CCDC60: variants seen among roughly 807,000 people sequenced by gnomAD.
The protein encoded by CCDC60 is coiled-coil domain containing 60.
CCDC60 carries 54 observed loss-of-function variants against 63.5 expected under a neutral mutation model. That is an observed-to-expected ratio of 0.85 (90% CI 0.68 to 1.07). The LOEUF (loss-of-function observed/expected upper bound fraction) is 1.07. Ranked by LOEUF, CCDC60 falls within the 50% of genes least tolerant of loss-of-function variation. CCDC60 has a pLI of 0.00. For synonymous variants in CCDC60, 206 were observed against 238.8 expected, an observed-to-expected ratio of 0.86 and a Z score of 1.27; for missense variants, 651 against 684.3, an observed-to-expected ratio of 0.95 and a Z score of 0.54.
chr12:119,431,756 GC>G (rs1366834706), intron 2 of CCDC60, among the ~76,000 whole-genome samples: 9 of 152,192 alleles, frequency 5.9e-5, no homozygotes, highest in Admixed American at 2.0e-4. Context: ...TCAGCTCACT[GC>G]AACCTCCGCC....
chr12:119,488,965 A>C, intron 5 of CCDC60, 99 bp downstream of exon 5: 1 of 986,856 alleles, frequency 1.0e-6, no homozygotes, highest in Non-Finnish European at 1.6e-6. Context: ...TGTTTTTGGT[A>C]GGTGGGCTGT....
chr12:119,387,027 GTC>G lies in CCDC60; in HGVS notation c.91-41649_91-41648del, dbSNP rs373728829. On this transcript the variant is annotated intron_variant, in intron 1 of 13. Coordinates refer to ENST00000327554, the MANE Select transcript of CCDC60 (RefSeq NM_178499.5). ...TCTCTCTCTCCCTCCCTCCCCCTCTGTCTCTCTCACACACACACACACACACA... is the reference window on the plus strand; with the variant it reads ...TCTCTCTCTCCCTCCCTCCCCCTCTGTCTCTCACACACACACACACACACA... Among the ~76,000 whole-genome samples the G allele has an allele frequency of 8.1e-3, 797 of 98,126 alleles. 18 individuals carry two copies. Among genetic ancestry groups the G allele is most frequent in the Admixed American group, 0.024 (212 of 8,786 alleles). The allele number at this position is 98,126 out of a possible 152,430, so 64.4% of individuals were successfully genotyped here.
intron 1 of CCDC60, among the ~76,000 whole-genome samples, chr12:119,355,042 A>G (rs1955702213): frequency 6.6e-6 from 1 of 152,098 alleles, no homozygotes; most frequent in South Asian, 2.1e-4. Context: ...TGGCTCTGCT[A>G]TTTTCTTCCT....
At chr12:119,376,346 G>A (rs965575598) in intron 1 of CCDC60, among the ~76,000 whole-genome samples, 2 of 152,190 alleles carry the variant, frequency 1.3e-5, no homozygotes, top group Admixed American at 6.5e-5. Flanking sequence ...GAAGAAACAG[G>A]GCCGAGGGCA....
At chr12:119,491,168 C>T (rs565308816) in intron 5 of CCDC60, among the ~76,000 whole-genome samples, 2 of 152,284 alleles carry the variant, frequency 1.3e-5, no homozygotes, top group African/African-American at 4.8e-5. Context: ...ATGGTATACA[C>T]AGGTTTACAC....
chr12:119,448,030 G>A (rs554021181), intron 2 of CCDC60: 2 of 152,184 alleles, frequency 1.3e-5, no homozygotes, highest in South Asian at 4.2e-4. Context: ...GAGTGGAATG[G>A]GGACATGTTT....
At chr12:119,514,145 C>T (rs984731499) in intron 7 of CCDC60, among the ~76,000 whole-genome samples, 4 of 151,734 alleles carry the variant, frequency 2.6e-5, no homozygotes, top group Non-Finnish European at 5.9e-5. Flanking sequence ...TAGGCTAATG[C>T]GTGTGTTTGT....
At chr12:119,368,544 A>C (rs1230559024) in intron 1 of CCDC60, among the ~76,000 whole-genome samples, 1 of 152,102 alleles carries the variant, frequency 6.6e-6, no homozygotes, top group East Asian at 1.9e-4. Flanking sequence ...CCTCACAATA[A>C]AGAATTACGC....
intron 1 of CCDC60, among the ~76,000 whole-genome samples, chr12:119,380,868 T>C (rs1956001463): frequency 6.6e-6 from 1 of 152,228 alleles, no homozygotes; most frequent in Admixed American, 6.5e-5. Context: ...TACTTTCTAT[T>C]TGTGACATGC....
chr12:119,501,492 C>T (rs1464743702), intron 6 of CCDC60, among the ~76,000 whole-genome samples: 4 of 152,182 alleles, frequency 2.6e-5, no homozygotes, highest in African/African-American at 7.2e-5. Context: ...AACATATAAA[C>T]ATCAATAGGT....
At chr12:119,535,715 T>C (rs551210960) in intron 13 of CCDC60, among the ~76,000 whole-genome samples, 1 of 152,232 alleles carries the variant, frequency 6.6e-6, no homozygotes, top group Non-Finnish European at 1.5e-5. Context: ...TTCCATGTAG[T>C]TGTGCAGTTT....
intron 7 of CCDC60, among the ~76,000 whole-genome samples, chr12:119,507,609 TATATA>T (rs1441669694): frequency 2.2e-3 from 79 of 35,510 alleles, no homozygotes; most frequent in East Asian, 8.6e-3. Context: ...TATATATATA[TATATA>T]TTTTTTTTTT....
chr12:119,541,010 C>T lies in CCDC60; in HGVS notation c.*295C>T, dbSNP rs927448827. The stretch of plus-strand genomic sequence containing the variant: ...AGATTCCTTCACCCTATTTACCTTC[C>T]TCAAGTACTGGAGAATAAAATTGAA... On this transcript the variant is annotated 3_prime_UTR_variant, in exon 14 of 14. Transcript: ENST00000327554. 3 of 301,394 alleles carry T rather than the reference C, an allele frequency of 1.0e-5. No homozygotes were observed. Among genetic ancestry groups the T allele is most frequent in the Non-Finnish European group, 1.8e-5 (3 of 164,308 alleles). 18.7% of individuals were successfully genotyped at this position (301,394 alleles called of 1,614,324 possible). A position where few individuals can be genotyped will look rare whatever the true frequency, so the allele number is the denominator to read the frequency against.
chr12:119,465,537 C>T (rs924362998), intron 2 of CCDC60, among the ~76,000 whole-genome samples: 18 of 151,982 alleles, frequency 1.2e-4, no homozygotes, highest in African/African-American at 4.4e-4. Flanking sequence ...GCAGGTGGAT[C>T]ACCTCAGGTC....
At chr12:119,481,988 A>ATATATAG (rs1318857167) in intron 4 of CCDC60, among the ~76,000 whole-genome samples, 9 of 121,950 alleles carry the variant, frequency 7.4e-5, no homozygotes, top group African/African-American at 2.1e-4. Context: ...ATATATATGT[A>ATATATAG]TATATATATG....
Position 119,540,676 on chromosome 12 carries a change from G to C in CCDC60, c.1614G>C (p.Arg538=). 1 of 1,614,006 alleles carries C rather than the reference G, an allele frequency of 6.2e-7. No homozygotes were observed. Among genetic ancestry groups the C allele is most frequent in the South Asian group, 1.1e-5 (1 of 91,086 alleles). ...QEDYISWLQS[R]INIPIGPYSA... ...ATTACATCAGCTGGCTGCAGAGCCGGATCAACATACCCATTGGGCCCTACA... is the reference window on the plus strand; with the variant it reads ...ATTACATCAGCTGGCTGCAGAGCCGCATCAACATACCCATTGGGCCCTACA... The change falls in exon 14 of 14, where the codon CGG becomes CGC. Residue 538 remains arginine (R), a synonymous_variant. Transcript: ENST00000327554.
chr12:119,491,936 A>G (rs1951598536), intron 5 of CCDC60, among the ~76,000 whole-genome samples: 1 of 152,164 alleles, frequency 6.6e-6, no homozygotes, highest in South Asian at 2.1e-4. Context: ...GGTTTTAGAA[A>G]TGTGCTCAGA....
At chr12:119,431,846 T>C (rs1022185044) in intron 2 of CCDC60, among the ~76,000 whole-genome samples, 5 of 152,016 alleles carry the variant, frequency 3.3e-5, no homozygotes, top group Admixed American at 1.3e-4. Context: ...GCCTGGCTAA[T>C]TTTTTTGTAT....
intron 1 of CCDC60, among the ~76,000 whole-genome samples, chr12:119,422,130 A>G (rs1239460995): frequency 1.3e-5 from 2 of 152,168 alleles, no homozygotes; most frequent in African/African-American, 4.8e-5. Context: ...CAGGGCAGAG[A>G]CTTGACTTTG....
Sources: allele counts gnomAD v4.1 joint callset (sites outside exome capture counted in the v4.1 genomes callset), GRCh38; gene constraint gnomAD v4.1.1; transcripts MANE v1.5; gene names NCBI Gene and HGNC (gene_info 2026-07-23, HGNC 2026-07-21).